DCAF6: variants seen among roughly 807,000 people sequenced by gnomAD.
The protein encoded by DCAF6 is DDB1 and CUL4 associated factor 6.
In DCAF6, 54 loss-of-function variants were observed where a neutral mutation model predicts 125.1. The observed-to-expected ratio is 0.43, with a 90% CI of 0.35 to 0.54. DCAF6 has a LOEUF of 0.54. Among genes scored for constraint, DCAF6 ranks in the 20% least tolerant of loss-of-function variants. The probability of loss-of-function intolerance (pLI) is 0.01; values close to 1 mark genes in which losing one functional copy is unlikely to be tolerated. For synonymous variants in DCAF6, 371 were observed against 390.4 expected (o/e 0.95, Z 0.58); for missense variants, 934 against 1,161.7 (o/e 0.80, Z 2.85).
chr1:168,065,171 A>G (rs1296494025), intron 18 of DCAF6, among the ~76,000 whole-genome samples: 1 of 152,216 alleles, frequency 6.6e-6, no homozygotes, highest in Non-Finnish European at 1.5e-5. Flanking sequence ...TTGTATCCCA[A>G]GTACCATTTC....
chr1:167,893,998 T>G, the DCAF6 span: 28 of 1,226,836 alleles, frequency 2.3e-5, no homozygotes, highest in Non-Finnish European at 3.2e-5. Flanking sequence ...TCTGCAGTGC[T>G]AGTGAGAGGA....
the DCAF6 span, among the ~76,000 whole-genome samples, chr1:167,866,812 C>A: frequency 5.9e-5 from 9 of 151,644 alleles, no homozygotes; most frequent in African/African-American, 2.2e-4. Context: ...GAGTTTTAAC[C>A]CAGACTGTAG....
intron 1 of DCAF6, among the ~76,000 whole-genome samples, chr1:167,945,501 TTCTTTTTTGAGACGGAGTCTCAC>T (rs1276876821): frequency 6.6e-6 from 1 of 152,130 alleles, no homozygotes; most frequent in Non-Finnish European, 1.5e-5. Context: ...TTTTCTTTTT[TTCTTTTTTGAGACGGAGTCTCAC>T]TCTGTCACCC....
the DCAF6 span, among the ~76,000 whole-genome samples, chr1:167,926,777 T>C: frequency 1.3e-5 from 2 of 152,166 alleles, no homozygotes; most frequent in African/African-American, 2.4e-5. Flanking sequence ...ATTCAACTAG[T>C]TTCATGCTAT....
At chr1:168,043,563 G>A (rs1688807796) in intron 14 of DCAF6, among the ~76,000 whole-genome samples, 1 of 151,992 alleles carries the variant, frequency 6.6e-6, no homozygotes, top group Non-Finnish European at 1.5e-5. Flanking sequence ...GCCACTTAAG[G>A]GATTTTTCAG....
In DCAF6 at chr1:168,065,836, T is replaced by C. The variant is rs893016353; in HGVS notation, c.2596+90T>C. ...TATTCTTTTTTAATTGTTAATATTA[T>C]AAGAATAATCCAAACTATCTGACTA... On this transcript the variant is annotated intron_variant, in intron 19 of 21. Coordinates refer to ENST00000367840, the MANE Select transcript of DCAF6 (RefSeq NM_001198956.2). 48 of 1,248,374 alleles carry C rather than the reference T, an allele frequency of 3.8e-5. 1 individual carries two copies. Among genetic ancestry groups the C allele is most frequent in the African/African-American group, 3.0e-5 (2 of 65,842 alleles). The allele number at this position is 1,248,374 out of a possible 1,614,324, so 77.3% of individuals were successfully genotyped here. A position where few individuals can be genotyped will look rare whatever the true frequency, so the allele number is the denominator to read the frequency against.
chr1:167,944,389 C>T (rs1351507192), intron 1 of DCAF6, among the ~76,000 whole-genome samples: 1 of 152,116 alleles, frequency 6.6e-6, no homozygotes, highest in Non-Finnish European at 1.5e-5. Context: ...GAGAAATCTC[C>T]ATACTGTTTT....
intron 2 of DCAF6, among the ~76,000 whole-genome samples, chr1:167,966,394 T>A (rs952004553): frequency 6.6e-6 from 1 of 152,194 alleles, no homozygotes; most frequent in Non-Finnish European, 1.5e-5. Flanking sequence ...TTTTGCTATT[T>A]ATTTTTAGCT....
chr1:167,941,374 A>C (rs543189680), intron 1 of DCAF6, among the ~76,000 whole-genome samples: 1 of 152,330 alleles, frequency 6.6e-6, no homozygotes, highest in African/African-American at 2.4e-5. Flanking sequence ...ATCAAGTTAT[A>C]AGTGCTTAGA....
At chr1:167,930,150 T>C in the DCAF6 span, among the ~76,000 whole-genome samples, 1 of 152,320 alleles carries the variant, frequency 6.6e-6, no homozygotes, top group Admixed American at 6.5e-5. Flanking sequence ...TTTTCCACAA[T>C]GCCTTGGAAA....
chr1:168,051,874 ACTTT>A (rs1426822472), intron 17 of DCAF6, among the ~76,000 whole-genome samples: 6 of 146,906 alleles, frequency 4.1e-5, no homozygotes, highest in African/African-American at 1.2e-4. Context: ...ACTAGTTATC[ACTTT>A]CTTTTTTTTT....
intron 7 of DCAF6, among the ~76,000 whole-genome samples, chr1:168,001,722 GAA>G (rs1682665792): frequency 6.6e-6 from 1 of 152,088 alleles, no homozygotes; most frequent in Admixed American, 6.6e-5. Context: ...TAGGTATAGA[GAA>G]GAGAGAATAA....
chr1:167,940,223 A>G (rs1672018480), intron 1 of DCAF6, among the ~76,000 whole-genome samples: 1 of 152,250 alleles, frequency 6.6e-6, no homozygotes, highest in South Asian at 2.1e-4. Flanking sequence ...ATTTATGATT[A>G]AAAGATATGT....
intron 7 of DCAF6, among the ~76,000 whole-genome samples, 195 bp from the exon 8 acceptor site, chr1:168,002,287 A>G (rs549567051): frequency 6.6e-5 from 10 of 152,324 alleles, no homozygotes; most frequent in Non-Finnish European, 1.3e-4. Context: ...TGTCAACATC[A>G]GTGGATATTT....
chr1:167,932,656 A>C (rs1467369328), upstream of DCAF6, among the ~76,000 whole-genome samples: 1 of 152,076 alleles, frequency 6.6e-6, no homozygotes, highest in Non-Finnish European at 1.5e-5. Flanking sequence ...TAAAAACACA[A>C]AAATTAGCTG....
chr1:167,985,330 C>T (rs971148304), intron 4 of DCAF6, among the ~76,000 whole-genome samples: 2 of 152,092 alleles, frequency 1.3e-5, no homozygotes, highest in Admixed American at 6.6e-5. Context: ...GGGCTAAAAT[C>T]GAAGTGTTGG....
intron 3 of DCAF6, among the ~76,000 whole-genome samples, chr1:167,967,826 G>T (rs549244130): frequency 6.8e-6 from 1 of 147,794 alleles, no homozygotes; most frequent in African/African-American, 2.5e-5. Context: ...TGCCTCCTGC[G>T]TTCAAGCGAT....
At chr1:167,937,046 C>A in intron 1 of DCAF6, 38 bp downstream of exon 1, 1 of 1,549,312 alleles carries the variant, frequency 6.5e-7, no homozygotes, top group African/African-American at 1.4e-5. Flanking sequence ...CTGAGGTCGC[C>A]GCCTAGAGTG....
chr1:167,890,471 G>A, the DCAF6 span, among the ~76,000 whole-genome samples: 1 of 152,114 alleles, frequency 6.6e-6, no homozygotes, highest in Non-Finnish European at 1.5e-5. Flanking sequence ...AAGCACCCTT[G>A]TGGCTACCAT....
Sources: allele counts gnomAD v4.1 joint callset (sites outside exome capture counted in the v4.1 genomes callset), GRCh38; gene constraint gnomAD v4.1.1; transcripts MANE v1.5; gene names NCBI Gene and HGNC (gene_info 2026-07-23, HGNC 2026-07-21).